Variants in TENM4 observed in about 807,000 individuals in gnomAD.
The protein encoded by TENM4 is teneurin-4.
In TENM4, 82 loss-of-function variants were observed where a neutral mutation model predicts 243.3. That is an observed-to-expected ratio of 0.34 (90% confidence interval 0.28 to 0.40). The LOEUF is 0.40. Ranked by LOEUF, TENM4 falls within the 10% of genes least tolerant of loss-of-function variation. The probability of loss-of-function intolerance (pLI) is 1.00; values close to 1 mark genes in which losing one functional copy is unlikely to be tolerated. For missense variants in TENM4, 3,138 were observed against 3,673.3 expected (o/e 0.85, Z 3.77); for synonymous variants, 1,412 against 1,456.3 (o/e 0.97, Z 0.69).
At chr11:78,671,676 T>G (rs1858329366) in intron 31 of TENM4, among the ~76,000 whole-genome samples, 1 of 152,188 alleles carries the variant, frequency 6.6e-6, no homozygotes, top group African/African-American at 2.4e-5. Context: ...ATGCCTAGGC[T>G]TCTGCCTGGT....
chr11:78,738,543 C>T lies in TENM4; in HGVS notation c.2784G>A (p.Val928=), dbSNP rs1169015452. The T allele has an allele frequency of 6.2e-7, 1 of 1,613,722 alleles. No individual in the cohort carries two copies. The highest frequency in any genetic ancestry group is 1.1e-5 in the South Asian group (1 of 91,018). The part of the protein sequence containing the change: ...GGHACVIRGQ[V]MTSDGTPLVG... Reference sequence around the variant, plus strand: ...CCAGGGGGGTTCCATCTGATGTCATCACTTGGCCACGAATAACACAAGCAT... The same window carrying T: ...CCAGGGGGGTTCCATCTGATGTCATTACTTGGCCACGAATAACACAAGCAT... The change falls in exon 20 of 34, where the codon GTG becomes GTA. Residue 928 remains valine (V), a synonymous_variant. Transcript: ENST00000278550.
chr11:79,417,539 G>A (rs540346220), intron 1 of TENM4, among the ~76,000 whole-genome samples: 13 of 151,902 alleles, frequency 8.6e-5, no homozygotes, highest in African/African-American at 2.9e-4. Flanking sequence ...TTTCAACTTC[G>A]CATTCTGCTT....
intron 27 of TENM4, among the ~76,000 whole-genome samples, chr11:78,705,544 A>T (rs1485643605): frequency 3.9e-5 from 6 of 152,186 alleles, no homozygotes; most frequent in African/African-American, 1.4e-4. Context: ...ACTAGACTTG[A>T]TAATTTCAGA....
At chr11:79,329,580 AGAAGGTGG>A (rs1383329864) in intron 1 of TENM4, among the ~76,000 whole-genome samples, 1 of 152,210 alleles carries the variant, frequency 6.6e-6, no homozygotes, top group Non-Finnish European at 1.5e-5. Context: ...GACTTCTCTG[AGAAGGTGG>A]TACTTGGTCG....
chr11:79,206,348 A>G (rs1054913544), intron 3 of TENM4, among the ~76,000 whole-genome samples: 3 of 152,344 alleles, frequency 2.0e-5, no homozygotes, highest in Non-Finnish European at 2.9e-5. Flanking sequence ...GAGACTGCCT[A>G]TTGGAAGGAA....
intron 6 of TENM4, among the ~76,000 whole-genome samples, chr11:79,016,502 C>T (rs1191282357): frequency 6.6e-6 from 1 of 151,960 alleles, no homozygotes; most frequent in East Asian, 1.9e-4. Flanking sequence ...AGTTATGTTA[C>T]GTTTGAGAGG....
intron 2 of TENM4, among the ~76,000 whole-genome samples, chr11:79,270,154 C>A (rs1029407950): frequency 3.9e-5 from 6 of 152,160 alleles, no homozygotes; most frequent in African/African-American, 1.4e-4. Flanking sequence ...CCTGCAGGAG[C>A]CTTGAGGCTT....
At chr11:79,110,470 C>G (rs1290648965) in intron 4 of TENM4, among the ~76,000 whole-genome samples, 1 of 152,152 alleles carries the variant, frequency 6.6e-6, no homozygotes, top group Non-Finnish European at 1.5e-5. Context: ...GTCCATAGCC[C>G]CGGAGGTGGA....
chr11:79,088,233 T>G (rs1860860469), intron 4 of TENM4, among the ~76,000 whole-genome samples: 1 of 152,158 alleles, frequency 6.6e-6, no homozygotes, highest in African/African-American at 2.4e-5. Flanking sequence ...CAGAGGGTGA[T>G]GGTATCTAGG....
chr11:79,217,452 C>G (rs1261560949), intron 2 of TENM4, among the ~76,000 whole-genome samples: 1 of 152,116 alleles, frequency 6.6e-6, no homozygotes, highest in Non-Finnish European at 1.5e-5. Flanking sequence ...TCCCTGAATT[C>G]ATTTTTCCCA....
intron 6 of TENM4, among the ~76,000 whole-genome samples, chr11:79,036,969 T>C (rs116159227): frequency 0.066 from 9,012 of 136,160 alleles, 559 homozygotes; most frequent in African/African-American, 0.17. Flanking sequence ...GGAGATTGCA[T>C]TGTGCCACTG....
At chr11:78,813,566 G>C (rs1212030294) in intron 13 of TENM4, among the ~76,000 whole-genome samples, 2 of 152,132 alleles carry the variant, frequency 1.3e-5, no homozygotes, top group African/African-American at 4.8e-5. Flanking sequence ...AAGGGAAAAA[G>C]GTAAAAAAAC....
intron 1 of TENM4, among the ~76,000 whole-genome samples, chr11:79,306,205 G>A (rs1856623471): frequency 6.6e-6 from 1 of 152,170 alleles, no homozygotes; most frequent in Non-Finnish European, 1.5e-5. Context: ...AAGAGACAAG[G>A]CACACGAGCT....
chr11:78,719,440 A>C (rs2135830757), intron 25 of TENM4, among the ~76,000 whole-genome samples: 1 of 152,370 alleles, frequency 6.6e-6, no homozygotes, highest in East Asian at 1.9e-4. Context: ...CAATTATTAC[A>C]TGAATAATGA....
rs1255861653 is a variant in TENM4, at chr11:78,655,397, C to G, written c.*2661G>C. ...AAGATCCTTTAAAGAAACAAACACTCAGTCCAGGCGCAGTGGCTCACACCT... is the reference window on the plus strand; with the variant it reads ...AAGATCCTTTAAAGAAACAAACACTGAGTCCAGGCGCAGTGGCTCACACCT... On this transcript the variant is annotated 3_prime_UTR_variant, in exon 34 of 34. Coordinates refer to ENST00000278550, the MANE Select transcript of TENM4 (RefSeq NM_001098816.3). The G allele has an allele frequency of 1.3e-5, 2 of 151,980 alleles. No homozygotes were observed. Among genetic ancestry groups the G allele is most frequent in the Non-Finnish European group, 2.9e-5 (2 of 67,998 alleles). The allele number at this position is 151,980 out of a possible 1,614,324, so 9.4% of individuals were successfully genotyped here. A position where few individuals can be genotyped will look rare whatever the true frequency, so the allele number is the denominator to read the frequency against.
chr11:78,745,227 CTTTTTTTTTTT>C (rs1783943), intron 19 of TENM4, among the ~76,000 whole-genome samples: 1 of 128,066 alleles, frequency 7.8e-6, no homozygotes. Context: ...TTTTCTTTTT[CTTTTTTTTTTT>C]TTTTTTGAGA....
At position 78,694,160 on chromosome 11, in the gene TENM4, C is replaced by T. The variant is rs148189368; in HGVS notation, c.5088-5934G>A. On this transcript the variant is annotated intron_variant, in intron 28 of 33. Transcript: ENST00000278550. ...TACTATGCATGGCTGGCAAGGAAAA[C>T]GCCGAATTGCCCTCTGATACTAAAC... Among the ~76,000 whole-genome samples the T allele has an allele frequency of 3.8e-4, 58 of 152,334 alleles. No homozygotes were observed. In the East Asian group the frequency reaches 5.2e-3, roughly 14 times the overall value.
intron 3 of TENM4, among the ~76,000 whole-genome samples, chr11:79,164,685 G>A (rs887209053): frequency 2.7e-5 from 4 of 150,648 alleles, no homozygotes; most frequent in Non-Finnish European, 5.9e-5. Flanking sequence ...GGACACAGGG[G>A]GAGGTATTTG....
In TENM4 at chr11:78,978,189, A is replaced by C. The variant is rs1321696484; in HGVS notation, c.494-74666T>G. Among the ~76,000 whole-genome samples, 342 of 151,978 alleles carry C rather than the reference A, an allele frequency of 2.3e-3. 4 individuals are homozygous for C. The highest frequency in any genetic ancestry group is 7.5e-3 in the African/African-American group (310 of 41,456). The stretch of plus-strand genomic sequence containing the variant: ...GGACACAGGGAGGGGAAAAACATAC[A>C]CTGCAGCCTGTTGGCGGATGGGGGG... On this transcript the variant is annotated intron_variant, in intron 6 of 33. Coordinates refer to ENST00000278550, the MANE Select transcript of TENM4 (RefSeq NM_001098816.3).
Sources: gnomAD v4.1 joint callset for allele counts (sites outside exome capture counted in the v4.1 genomes callset) on GRCh38, gnomAD v4.1.1 for gene constraint, MANE v1.5 for transcripts, NCBI Gene and HGNC (gene_info 2026-07-23, HGNC 2026-07-21) for gene names.